CDC42SE2: variants seen among roughly 807,000 people sequenced by gnomAD.
CDC42SE2 encodes CDC42 small effector protein 2.
CDC42SE2 carries 3 observed loss-of-function variants against 11.5 expected under a neutral mutation model. That is an observed-to-expected ratio of 0.26 (90% confidence interval 0.12 to 0.67). The LOEUF (loss-of-function observed/expected upper bound fraction) is 0.67. CDC42SE2 is among the 30% of genes least tolerant of loss of function. The pLI is 0.80. For synonymous variants in CDC42SE2, 33 were observed against 34.8 expected (o/e 0.95, Z 0.18); for missense variants, 82 against 106.8 (o/e 0.77, Z 1.02).
rs994580660 is a variant in CDC42SE2, at chr5:131,385,534, A to G, written c.55-9A>G. The stretch of plus-strand genomic sequence containing the variant: ...CACTTTCTCAACACATTTGTTCCCC[A>G]TATTTTAGAAAAGGCGACGGCGGAT... On this transcript the variant is annotated splice_polypyrimidine_tract_variant and intron_variant, in intron 3 of 4. Transcript: ENST00000505065. 1.5e-5 allele frequency: 24 copies of G among 1,603,036 alleles called. No homozygotes were observed. The highest frequency in any genetic ancestry group is 5.4e-5 in the African/African-American group (4 of 74,738).
At chr5:131,234,498 C>G in the CDC42SE2 span, among the ~76,000 whole-genome samples, 4 of 151,740 alleles carry the variant, frequency 2.6e-5, no homozygotes, top group African/African-American at 9.7e-5. Flanking sequence ...TAGCTGGGTG[C>G]AGTGGCGGGC....
intron 2 of CDC42SE2, among the ~76,000 whole-genome samples, chr5:131,354,931 C>A (rs975337456): frequency 2.6e-5 from 4 of 152,160 alleles, no homozygotes; most frequent in Admixed American, 1.3e-4. Context: ...AATCCTCATG[C>A]TTCAGCTGCG....
At chr5:131,349,286 T>C (rs991595378) in intron 2 of CDC42SE2, among the ~76,000 whole-genome samples, 1 of 135,686 alleles carries the variant, frequency 7.4e-6, no homozygotes, top group Non-Finnish European at 1.5e-5. Context: ...TAGGTGGGAA[T>C]TGAACAATGA....
intron 1 of CDC42SE2, among the ~76,000 whole-genome samples, chr5:131,250,099 A>G (rs113473133): frequency 1.1e-3 from 165 of 152,326 alleles, no homozygotes; most frequent in African/African-American, 3.5e-3. Flanking sequence ...CATATACCCT[A>G]TGAGTCAACA....
the CDC42SE2 span, among the ~76,000 whole-genome samples, chr5:131,224,556 A>G: frequency 6.6e-6 from 1 of 151,994 alleles, no homozygotes. Context: ...CTGAACCACC[A>G]TCCTTTCTCA....
At chr5:131,334,784 T>G (rs1325348160) in intron 2 of CDC42SE2, among the ~76,000 whole-genome samples, 14 of 152,196 alleles carry the variant, frequency 9.2e-5, no homozygotes, top group Non-Finnish European at 4.4e-5. Context: ...TGATGGTAGT[T>G]TGTATTTCTG....
chr5:131,376,994 T>C (rs756837361), intron 3 of CDC42SE2, among the ~76,000 whole-genome samples: 23 of 152,130 alleles, frequency 1.5e-4, no homozygotes, highest in Non-Finnish European at 2.9e-4. Flanking sequence ...TATATTACTT[T>C]GGGTATATAC....
upstream of CDC42SE2, among the ~76,000 whole-genome samples, chr5:131,259,826 G>A (rs1397368185): frequency 6.6e-6 from 1 of 152,252 alleles, no homozygotes; most frequent in African/African-American, 2.4e-5. Flanking sequence ...GCTGTGTTAA[G>A]TTTGAGCCTT....
upstream of CDC42SE2, among the ~76,000 whole-genome samples, chr5:131,243,971 G>T (rs1458688189): frequency 3.9e-5 from 6 of 152,146 alleles, no homozygotes; most frequent in Non-Finnish European, 7.3e-5. Context: ...ACTTTTTTCA[G>T]TGAAGATCCT....
At chr5:131,382,985 TAA>T (rs1425350381) in intron 3 of CDC42SE2, among the ~76,000 whole-genome samples, 4 of 152,214 alleles carry the variant, frequency 2.6e-5, no homozygotes, top group African/African-American at 7.2e-5. Flanking sequence ...CTAAAAAAGA[TAA>T]GTTAGCATTG....
intron 3 of CDC42SE2, among the ~76,000 whole-genome samples, chr5:131,370,346 A>T (rs1054955695): frequency 1.3e-5 from 2 of 151,288 alleles, no homozygotes; most frequent in Admixed American, 6.6e-5. Context: ...AGCATCAATT[A>T]TTTTTTTTTC....
Position 131,394,094 on chromosome 5 carries a change from G to C in CDC42SE2, c.*3003G>C, listed in dbSNP as rs1580796304. The C allele has an allele frequency of 6.6e-6, 1 of 152,294 alleles. No homozygotes were observed. The highest frequency in any genetic ancestry group is 1.5e-5 in the Non-Finnish European group (1 of 68,028). The allele number at this position is 152,294 out of a possible 1,614,324, so 9.4% of individuals were successfully genotyped here. On this transcript the variant is annotated 3_prime_UTR_variant, in exon 5 of 5. Coordinates refer to ENST00000505065, the MANE Select transcript of CDC42SE2 (RefSeq NM_001375635.1). ...GAGGCAGCTTTCCCACTTTTATAAA[G>C]GGGGTTGTAAATCTCAAGAGGTCAT...
the CDC42SE2 span, among the ~76,000 whole-genome samples, chr5:131,237,374 G>C: frequency 3.3e-5 from 5 of 152,120 alleles, no homozygotes; most frequent in Admixed American, 2.6e-4. Context: ...TTTGTTTTCT[G>C]ATTTCTGTAG....
chr5:131,365,715 G>T (rs1305423814), intron 3 of CDC42SE2, among the ~76,000 whole-genome samples: 1 of 152,192 alleles, frequency 6.6e-6, no homozygotes, highest in African/African-American at 2.4e-5. Context: ...TGGCGTGGTG[G>T]CTCACACCTG....
At chr5:131,356,547 G>A (rs930924780) in intron 2 of CDC42SE2, among the ~76,000 whole-genome samples, 1 of 152,144 alleles carries the variant, frequency 6.6e-6, no homozygotes, top group African/African-American at 2.4e-5. Context: ...AAAATCCATG[G>A]AATTGCAAAC....
chr5:131,290,482 T>G (rs1177062439), intron 1 of CDC42SE2, among the ~76,000 whole-genome samples: 4 of 144,116 alleles, frequency 2.8e-5, no homozygotes, highest in African/African-American at 1.1e-4. Flanking sequence ...CTTTTTTTTT[T>G]TTTGTTTTTT....
the CDC42SE2 span, among the ~76,000 whole-genome samples, chr5:131,223,655 C>T: frequency 6.6e-6 from 1 of 152,188 alleles, no homozygotes. Flanking sequence ...TTTAACCCTT[C>T]ACTAAATCAT....
At chr5:131,285,484 C>A (rs1478484804) in intron 1 of CDC42SE2, among the ~76,000 whole-genome samples, 1 of 152,038 alleles carries the variant, frequency 6.6e-6, no homozygotes, top group Non-Finnish European at 1.5e-5. Flanking sequence ...TTCACATGGA[C>A]CTAAGCATTT....
At chr5:131,289,340 T>C (rs1757403197) in intron 1 of CDC42SE2, among the ~76,000 whole-genome samples, 1 of 152,224 alleles carries the variant, frequency 6.6e-6, no homozygotes, top group South Asian at 2.1e-4. Flanking sequence ...CACTTTCTAC[T>C]TCTAAGACAG....
Sources: gnomAD v4.1 joint callset for allele counts (sites outside exome capture counted in the v4.1 genomes callset) on GRCh38, gnomAD v4.1.1 for gene constraint, MANE v1.5 for transcripts, NCBI Gene and HGNC (gene_info 2026-07-23, HGNC 2026-07-21) for gene names.